Variants in LINGO1 observed in about 807,000 individuals in gnomAD.
LINGO1 encodes the protein leucine rich repeat and Ig domain containing 1.
LINGO1 carries 11 observed loss-of-function variants against 37.3 expected under a neutral mutation model. That is an observed-to-expected ratio of 0.29 (90% CI 0.19 to 0.49). The LOEUF (loss-of-function observed/expected upper bound fraction) is 0.49, where lower values mean the gene tolerates loss of function less well. LINGO1 is among the 20% of genes least tolerant of loss of function. The pLI, the probability that LINGO1 is intolerant of heterozygous loss-of-function variation, is 0.99. For synonymous variants in LINGO1, 387 were observed against 403.0 expected (o/e 0.96, Z 0.48); for missense variants, 585 against 878.2 (o/e 0.67, Z 4.22).
At chr15:77,731,356 C>T (rs1386583157) in intron 2 of LINGO1, among the ~76,000 whole-genome samples, 4 of 152,180 alleles carry the variant, frequency 2.6e-5, no homozygotes, top group Admixed American at 6.5e-5. Flanking sequence ...CACACATGCA[C>T]ATCCAGACCC....
rs755470999 is a variant in LINGO1 at position 77,650,488 on chromosome 15, G to T, written c.-13+26601C>A. ...TGGGCATCCAGCAGGGGGCAGCCTGGACCCCACAGGTTTGTCTGGGCTGAG... is the reference window on the plus strand; with the variant it reads ...TGGGCATCCAGCAGGGGGCAGCCTGTACCCCACAGGTTTGTCTGGGCTGAG... On this transcript the variant is annotated intron_variant, in intron 3 of 3. Transcript: ENST00000559893. Among the ~76,000 whole-genome samples, 19 of 152,162 alleles carry T rather than the reference G, an allele frequency of 1.2e-4. 1 individual carries two copies. Among genetic ancestry groups the T allele is most frequent in the Non-Finnish European group, 7.3e-5 (5 of 68,038 alleles).
At chr15:77,684,908 C>A (rs1448150236) in intron 2 of LINGO1, among the ~76,000 whole-genome samples, 1 of 152,116 alleles carries the variant, frequency 6.6e-6, no homozygotes, top group Non-Finnish European at 1.5e-5. Context: ...AGGGGCTGGG[C>A]AACAAGCTCG....
chr15:77,648,027 G>A (rs572043452), intron 3 of LINGO1: 11 of 421,854 alleles, frequency 2.6e-5, no homozygotes, highest in Admixed American at 1.3e-4. Context: ...TGAGACATCC[G>A]GAAAGGAAAG....
intron 1 of LINGO1, among the ~76,000 whole-genome samples, chr15:77,755,224 C>T (rs2076408232): frequency 1.3e-5 from 2 of 152,186 alleles, no homozygotes; most frequent in South Asian, 2.1e-4. Flanking sequence ...CCCATGCTGG[C>T]CTAGGGGAAG....
At chr15:77,658,841 G>A (rs1171196752) in intron 3 of LINGO1, among the ~76,000 whole-genome samples, 1 of 152,326 alleles carries the variant, frequency 6.6e-6, no homozygotes, top group South Asian at 2.1e-4. Flanking sequence ...CTAAGACTGA[G>A]CGAGGACGGA....
intron 1 of LINGO1, among the ~76,000 whole-genome samples, chr15:77,818,761 G>C (rs1181384112): frequency 6.6e-6 from 1 of 152,092 alleles, no homozygotes; most frequent in Admixed American, 6.5e-5. Context: ...CGGGGTCATA[G>C]TAGTCTGGCG....
At position 77,615,649 on chromosome 15, in the gene LINGO1, G is replaced by T; in HGVS notation, c.258C>A (p.Leu86=). The T allele has an allele frequency of 6.2e-7, 1 of 1,611,880 alleles. No individual in the cohort carries two copies. The highest frequency in any genetic ancestry group is 1.1e-5 in the South Asian group (1 of 90,698). ...LDLGKNRIKT[L]NQDEFASFPH... ...GGAAGCTGGCGAACTCGTCCTGGTT[G>T]AGCGTTTTGATGCGGTTCTTGCCTA... Residue 86 remains leucine (L), a synonymous_variant, in exon 2 of 2, where the codon CTC becomes CTA. Coordinates refer to ENST00000355300, the MANE Select transcript of LINGO1 (RefSeq NM_032808.7).
At chr15:77,687,167 C>T (rs375055940) in intron 2 of LINGO1, among the ~76,000 whole-genome samples, 38 of 152,150 alleles carry the variant, frequency 2.5e-4, no homozygotes, top group African/African-American at 8.2e-4. Context: ...AGGCTCTGTG[C>T]GTGGCTGGGG....
chr15:77,633,661 A>G (rs1193754570), upstream of LINGO1, among the ~76,000 whole-genome samples: 1 of 152,196 alleles, frequency 6.6e-6, no homozygotes, highest in Non-Finnish European at 1.5e-5. Context: ...CCCTGCACCC[A>G]GTGGCCAGCA....
chr15:77,685,131 G>C (rs1345182770), intron 2 of LINGO1, among the ~76,000 whole-genome samples: 1 of 141,744 alleles, frequency 7.1e-6, no homozygotes, highest in African/African-American at 2.6e-5. Flanking sequence ...GTTGTGGCTG[G>C]AGCAAGGTGG....
At chr15:77,680,109 T>C (rs1013928594) in intron 2 of LINGO1, among the ~76,000 whole-genome samples, 2 of 152,216 alleles carry the variant, frequency 1.3e-5, no homozygotes, top group African/African-American at 2.4e-5. Flanking sequence ...AGCCCGTGCG[T>C]GACCTCATCA....
chr15:77,790,213 TG>T (rs1225965979), upstream of LINGO1, among the ~76,000 whole-genome samples: 3 of 152,210 alleles, frequency 2.0e-5, no homozygotes, highest in East Asian at 1.9e-4. Flanking sequence ...AGTGCTGACT[TG>T]GCCCCTCACA....
chr15:77,816,134 C>T (rs2077046150), intron 1 of LINGO1, among the ~76,000 whole-genome samples: 1 of 152,198 alleles, frequency 6.6e-6, no homozygotes, highest in South Asian at 2.1e-4. Flanking sequence ...CTTGCCACTC[C>T]CCCACTGAGC....
intron 2 of LINGO1, among the ~76,000 whole-genome samples, chr15:77,724,146 T>A (rs2076079269): frequency 6.6e-6 from 1 of 152,082 alleles, no homozygotes; most frequent in Admixed American, 6.5e-5. Flanking sequence ...CTTCCTCTTA[T>A]CCAATGGCCC....
intron 2 of LINGO1, among the ~76,000 whole-genome samples, chr15:77,724,953 C>T (rs59391272): frequency 0.015 from 2,270 of 152,358 alleles, 70 homozygotes; most frequent in African/African-American, 0.053. Flanking sequence ...CACCGCCCCA[C>T]CCCAGGAGAG....
At chr15:77,667,493 G>A (rs960291422) in intron 3 of LINGO1, among the ~76,000 whole-genome samples, 1 of 152,180 alleles carries the variant, frequency 6.6e-6, no homozygotes, top group Non-Finnish European at 1.5e-5. Flanking sequence ...GACTGGGCTC[G>A]AGGACAGCAA....
chr15:77,819,140 G>A (rs2077074114), intron 1 of LINGO1: 1 of 125,444 alleles, frequency 8.0e-6, no homozygotes, highest in Non-Finnish European at 1.7e-5. Context: ...CACCCCCGCC[G>A]CTGCCCCCGA....
At chr15:77,760,464 G>A (rs1335190493) in intron 1 of LINGO1, among the ~76,000 whole-genome samples, 1 of 152,208 alleles carries the variant, frequency 6.6e-6, no homozygotes, top group Non-Finnish European at 1.5e-5. Context: ...GCCAACTTTT[G>A]CAAATTACAT....
chr15:77,814,109 A>G (rs1048947381), intron 1 of LINGO1, among the ~76,000 whole-genome samples: 5 of 152,142 alleles, frequency 3.3e-5, no homozygotes, highest in African/African-American at 1.2e-4. Flanking sequence ...CTACCAGTCC[A>G]TGACAGCCTG....
Sources: allele counts gnomAD v4.1 joint callset (sites outside exome capture counted in the v4.1 genomes callset), GRCh38; gene constraint gnomAD v4.1.1; transcripts MANE v1.5; gene names NCBI Gene and HGNC (gene_info 2026-07-23, HGNC 2026-07-21).